EEF1A2: variants seen among roughly 807,000 people sequenced by gnomAD.
The protein encoded by EEF1A2 is eukaryotic translation elongation factor 1 alpha 2, also known as elongation factor 1-alpha 2.
In EEF1A2, 5 loss-of-function variants were observed where a neutral mutation model predicts 39.3. The ratio of observed to expected loss-of-function variants is 0.13; its 90% CI spans 0.07 to 0.27. The LOEUF (loss-of-function observed/expected upper bound fraction) is 0.27, where lower values mean the gene tolerates loss of function less well. Among genes scored for constraint, EEF1A2 ranks in the 10% least tolerant of loss-of-function variants. The pLI is 1.00. For synonymous variants in EEF1A2, 287 were observed against 293.7 expected (o/e 0.98, Z 0.23); for missense variants, 218 against 681.4 (o/e 0.32, Z 7.57).
At chr20:63,496,109 T>A (rs2082415360) in intron 2 of EEF1A2, 74 bp from the exon 3 acceptor site, 2 of 1,548,198 alleles carry the variant, frequency 1.3e-6, no homozygotes, top group Non-Finnish European at 1.8e-6. Context: ...AGCTGCTTGT[T>A]ACAGCAGAGT....
chr20:63,498,170 G>A lies in EEF1A2; in HGVS notation c.-71-336C>T, dbSNP rs1199579833. ...GGTACGTCCGTGACCAGCAGAGCCG[G>A]GTGATGAGTCACCTGCCCAGCGCTC... On this transcript the variant is annotated intron_variant, in intron 1 of 7. Transcript: ENST00000217182. This position sits in a 1 kb window ranked among gnomAD's most constrained non-coding sequence, Gnocchi z 4.1. 1 of 159,618 alleles carries A rather than the reference G, an allele frequency of 6.3e-6. No homozygotes were observed. The highest frequency in any genetic ancestry group is 1.4e-5 in the Non-Finnish European group (1 of 73,148). The allele number at this position is 159,618 out of a possible 1,614,324, so 9.9% of individuals were successfully genotyped here.
In EEF1A2 at chr20:63,497,469, G is replaced by A. The variant is rs970887551; in HGVS notation, c.144+151C>T. ...GAGAGGCTGCCCCACCAGACCCTCT[G>A]AGGCCTGAGTGCCCCACAGCGGGGG... On this transcript the variant is annotated intron_variant, in intron 2 of 7. Transcript: ENST00000217182. The surrounding 1 kb of genome is among the most constrained non-coding windows in gnomAD (Gnocchi z 7.3). 3.1e-6 allele frequency: 4 copies of A among 1,275,250 alleles called. No individual in the cohort carries two copies. Among genetic ancestry groups the A allele is most frequent in the Non-Finnish European group, 4.3e-6 (4 of 940,770 alleles). The allele number at this position is 1,275,250 out of a possible 1,614,324, so 79.0% of individuals were successfully genotyped here.
chr20:63,496,055 C>A lies in EEF1A2; in HGVS notation c.145-20G>T, dbSNP rs756963600. On this transcript the variant is annotated intron_variant, in intron 2 of 7. Transcript: ENST00000217182. ...CCCCATCTGGAGCGGGTGAGGGTCACGGCTGAGGGCGGGACCCGGGACCCA... is the reference window on the plus strand; with the variant it reads ...CCCCATCTGGAGCGGGTGAGGGTCAAGGCTGAGGGCGGGACCCGGGACCCA... The A allele has an allele frequency of 2.5e-6, 4 of 1,611,150 alleles. No homozygotes were observed. In the African/African-American group the frequency reaches 5.3e-5, roughly 22 times the overall value.
intron 5 of EEF1A2, 55 bp from the exon 6 acceptor site, chr20:63,490,790 AG>A (rs2082375401): frequency 1.3e-6 from 2 of 1,554,490 alleles, no homozygotes; most frequent in Admixed American, 3.5e-5. Context: ...ATGCTGGGGC[AG>A]GATATTCGGG....
At chr20:63,490,437 TC>T in intron 6 of EEF1A2, 41 bp downstream of exon 6, 1 of 1,583,878 alleles carries the variant, frequency 6.3e-7, no homozygotes. Context: ...CCTGCTGCTG[TC>T]CAGCAGGCGC....
At chr20:63,491,099 A>G (rs556667508) in intron 5 of EEF1A2, among the ~76,000 whole-genome samples, 2 of 152,308 alleles carry the variant, frequency 1.3e-5, no homozygotes, top group South Asian at 2.1e-4. Context: ...CAAAGGAGGC[A>G]CTATGGGACC....
In EEF1A2 at chr20:63,494,912, T is replaced by C; in HGVS notation, c.514A>G (p.Lys172Glu). 6.2e-7 allele frequency: 1 copy of C among 1,612,792 alleles called. No individual in the cohort carries two copies. Among genetic ancestry groups the C allele is most frequent in the African/African-American group, 1.3e-5 (1 of 75,062 alleles). ...YSEKRYDEIV[K>E]EVSAYIKKIG... ...TTCTTGATGTAGGCGCTGACTTCCT[T>C]GACGATCTCGTCGTAGCGCTTCTCG... The change falls in exon 4 of 8, where the codon AAG (lysine) becomes GAG (glutamate). Residue 172 changes from lysine (K) to glutamate (E), a missense_variant. By Grantham distance (56) the Lys-to-Glu change is moderately conservative. Transcript: ENST00000217182.
chr20:63,494,663 G>T, intron 4 of EEF1A2, 142 bp downstream of exon 4: 1 of 1,229,548 alleles, frequency 8.1e-7, no homozygotes, highest in East Asian at 2.6e-5. Context: ...GAGCCAGTTA[G>T]GGAAACCCAG....
Position 63,497,788 on chromosome 20 carries a change from C to A in EEF1A2, c.-25G>T, listed in dbSNP as rs60257456. On this transcript the variant is annotated 5_prime_UTR_variant, in exon 2 of 8. Transcript: ENST00000217182. The surrounding 1 kb of genome is among the most constrained non-coding windows in gnomAD (Gnocchi z 7.3). ...TTTTGCTGGGAGTGTGAGGGGCTGG[C>A]GGGACCCGGGGTGCTCTGGCTCAGG... is the stretch of plus-strand genomic sequence containing the variant. The A allele has an allele frequency of 2.2e-5, 36 of 1,604,388 alleles. No individual in the cohort carries two copies. The highest frequency in any genetic ancestry group is 1.7e-4 in the Middle Eastern group (1 of 5,788).
chr20:63,495,343 C>T (rs560412484), intron 3 of EEF1A2, among the ~76,000 whole-genome samples: 86 of 152,360 alleles, frequency 5.6e-4, no homozygotes, highest in Middle Eastern at 3.4e-3. Context: ...GGCTGTGTGT[C>T]CCTGGACAAG....
chr20:63,492,432 G>A (rs1399991967), intron 5 of EEF1A2, among the ~76,000 whole-genome samples: 1 of 149,594 alleles, frequency 6.7e-6, no homozygotes, highest in Non-Finnish European at 1.5e-5. Flanking sequence ...AGAGAAGGAT[G>A]GATGGTTGAG....
intron 4 of EEF1A2, among the ~76,000 whole-genome samples, chr20:63,494,342 C>A (rs185280834): frequency 1.3e-4 from 20 of 152,350 alleles, no homozygotes; most frequent in Admixed American, 2.6e-4. Context: ...CCCAGCAAGC[C>A]CAGAAGCATG....
Position 63,497,740 on chromosome 20 carries a change from G to C in EEF1A2, c.24C>G (p.Ile8Met). 6.2e-7 allele frequency: 1 copy of C among 1,612,924 alleles called. No homozygotes were observed. The highest frequency in any genetic ancestry group is 1.1e-5 in the South Asian group (1 of 91,044). ...CCACGTGGCCGATGACCACGATGTT[G>C]ATGTGGGTCTTCTCCTTGCCCATTT... MGKEKTH[I>M]NIVVIGHVDS... The change falls in exon 2 of 8, where the codon ATC (isoleucine) becomes ATG (methionine). Residue 8 changes from isoleucine to methionine, a missense_variant. Ile to Met is a conservative substitution (Grantham distance 10, BLOSUM62 1). Around this residue, in one of 4 missense-constraint regions of EEF1A2, gnomAD observed 28 missense variants for 156.2 expected, o/e 0.18. Transcript: ENST00000217182. This position sits in a 1 kb window ranked among gnomAD's most constrained non-coding sequence, Gnocchi z 7.3.
intron 5 of EEF1A2, among the ~76,000 whole-genome samples, chr20:63,492,518 GTGGATGGA>G (rs1568996243): frequency 1.2e-4 from 3 of 25,936 alleles, no homozygotes; most frequent in African/African-American, 1.3e-4. Flanking sequence ...GGGTGGGGAG[GTGGATGGA>G]TGGATGGAAG....
chr20:63,494,766 C>T (rs558306940), intron 4 of EEF1A2, 39 bp downstream of exon 4: 1 of 1,582,484 alleles, frequency 6.3e-7, no homozygotes, highest in East Asian at 2.3e-5. Flanking sequence ...GGGGGTCCAG[C>T]CAGCTCCCGT....
intron 4 of EEF1A2, 113 bp from the exon 5 acceptor site, chr20:63,493,400 G>T: frequency 7.7e-7 from 1 of 1,292,578 alleles, no homozygotes; most frequent in Non-Finnish European, 1.0e-6. Context: ...CTTGCCTCGT[G>T]CCCTTTGAGA....
rs2082425884 is a variant in EEF1A2 at position 63,497,960 on chromosome 20, G to A, written c.-71-126C>T. 1.5e-6 allele frequency: 1 copy of A among 684,044 alleles called. No homozygotes were observed. The highest frequency in any genetic ancestry group is 2.3e-5 in the South Asian group (1 of 44,194). 42.4% of individuals were successfully genotyped at this position (684,044 alleles called of 1,614,324 possible). A position where few individuals can be genotyped will look rare whatever the true frequency, so the allele number is the denominator to read the frequency against. Reference sequence around the variant, plus strand: ...ACAAACCAAGCCCCCATGTTTGGTGGGGAGGGAAGGGCCCCCACCCACAGC... The same window carrying A: ...ACAAACCAAGCCCCCATGTTTGGTGAGGAGGGAAGGGCCCCCACCCACAGC... On this transcript the variant is annotated intron_variant, in intron 1 of 7. Coordinates refer to ENST00000217182, the MANE Select transcript of EEF1A2 (RefSeq NM_001958.5). This position sits in a 1 kb window ranked among gnomAD's most constrained non-coding sequence, Gnocchi z 7.3.
intron 6 of EEF1A2, among the ~76,000 whole-genome samples, chr20:63,489,420 C>T (rs1253200737): frequency 6.6e-6 from 1 of 152,092 alleles, no homozygotes. Flanking sequence ...GGAACTAAGG[C>T]GGGGGGGTGA....
At chr20:63,494,664 G>A in intron 4 of EEF1A2, 141 bp downstream of exon 4, 1 of 1,235,072 alleles carries the variant, frequency 8.1e-7, no homozygotes, top group Non-Finnish European at 1.1e-6. Flanking sequence ...AGCCAGTTAG[G>A]GAAACCCAGC....
Sources: gnomAD v4.1 joint callset for allele counts (sites outside exome capture counted in the v4.1 genomes callset) on GRCh38, gnomAD v4.1.1 for gene constraint, gnomAD v4.1.1 regional missense constraint, Gnocchi (gnomAD v3.1) non-coding constraint, MANE v1.5 for transcripts, NCBI Gene and HGNC (gene_info 2026-07-23, HGNC 2026-07-21) for gene names.